The following NR5A2 variants were observed in gnomAD, a reference collection of about 807,000 sequenced individuals.
NR5A2 encodes the protein nuclear receptor subfamily 5 group A member 2.
NR5A2 carries 26 observed loss-of-function variants against 62.7 expected under a neutral mutation model. The ratio of observed to expected loss-of-function variants is 0.41; its 90% CI spans 0.30 to 0.58. NR5A2 has a LOEUF of 0.58. Among genes scored for constraint, NR5A2 ranks in the 20% least tolerant of loss-of-function variants. The probability of loss-of-function intolerance (pLI) is 0.22; values close to 1 mark genes in which losing one functional copy is unlikely to be tolerated. For missense variants in NR5A2, 541 were observed against 669.1 expected (o/e 0.81, Z 2.11); for synonymous variants, 246 against 241.7 (o/e 1.02, Z -0.16).
intron 5 of NR5A2, among the ~76,000 whole-genome samples, chr1:200,101,413 C>T (rs534186956): frequency 1.3e-5 from 2 of 152,226 alleles, no homozygotes; most frequent in South Asian, 4.2e-4. Context: ...AAATCAGGGG[C>T]TAGGTAGGCT....
intron 5 of NR5A2, among the ~76,000 whole-genome samples, chr1:200,052,433 GCC>G (rs770429744): frequency 2.0e-5 from 3 of 152,160 alleles, no homozygotes; most frequent in Non-Finnish European, 4.4e-5. Context: ...CAATCCTCCT[GCC>G]TTGGCCTCCT....
chr1:200,059,064 C>T (rs560035963), intron 5 of NR5A2, among the ~76,000 whole-genome samples: 4 of 152,050 alleles, frequency 2.6e-5, no homozygotes, highest in Admixed American at 1.3e-4. Flanking sequence ...AAGCCAAGAT[C>T]GCACTACTGC....
chr1:200,087,148 T>TTGTTGCA (rs112341795), intron 5 of NR5A2, among the ~76,000 whole-genome samples: 29,581 of 152,034 alleles, frequency 0.19, 2,973 homozygotes, highest in East Asian at 0.27. Context: ...GACCTTTATC[T>TTGTTGCA]GCCTTGTTGC....
intron 7 of NR5A2, among the ~76,000 whole-genome samples, chr1:200,162,002 C>A (rs2102380933): frequency 6.6e-6 from 1 of 152,132 alleles, no homozygotes; most frequent in East Asian, 1.9e-4. Context: ...ACCGGAGAAT[C>A]CAGAAAAGCT....
At chr1:200,056,245 C>T (rs1371100458) in intron 5 of NR5A2, among the ~76,000 whole-genome samples, 1 of 152,222 alleles carries the variant, frequency 6.6e-6, no homozygotes, top group Non-Finnish European at 1.5e-5. Flanking sequence ...TCTTCTCAGT[C>T]AATGCCTGTT....
chr1:200,072,390 T>A (rs750884675), intron 5 of NR5A2, among the ~76,000 whole-genome samples: 1 of 152,216 alleles, frequency 6.6e-6, no homozygotes, highest in Non-Finnish European at 1.5e-5. Flanking sequence ...TTTGCTTCAG[T>A]ATCTAAGACA....
At chr1:200,074,223 GTT>G (rs894068791) in intron 5 of NR5A2, among the ~76,000 whole-genome samples, 2 of 151,940 alleles carry the variant, frequency 1.3e-5, no homozygotes, top group Non-Finnish European at 2.9e-5. Context: ...GTTTATTAAT[GTT>G]TTTTTCTTTT....
intron 7 of NR5A2, among the ~76,000 whole-genome samples, chr1:200,167,715 C>G (rs1386588390): frequency 6.6e-6 from 1 of 152,226 alleles, no homozygotes; most frequent in Non-Finnish European, 1.5e-5. Flanking sequence ...TCTTGCCCAC[C>G]TATTCCTTCT....
intron 7 of NR5A2, among the ~76,000 whole-genome samples, chr1:200,149,006 G>A (rs796669449): frequency 6.7e-6 from 1 of 150,182 alleles, no homozygotes; most frequent in African/African-American, 2.4e-5. Context: ...AACAACTCTT[G>A]GGTTCAAACA....
chr1:200,062,273 G>A (rs757686897), intron 5 of NR5A2, among the ~76,000 whole-genome samples: 1 of 150,260 alleles, frequency 6.7e-6, no homozygotes, highest in South Asian at 2.1e-4. Context: ...GTGTCCATGT[G>A]TGTATCGCAG....
At position 200,081,046 on chromosome 1, in the gene NR5A2, C is replaced by T. The variant is rs142503055; in HGVS notation, c.1111-30156C>T. Among the ~76,000 whole-genome samples the T allele has an allele frequency of 1.8e-4, 27 of 152,322 alleles. No individual in the cohort carries two copies. In the East Asian group the frequency reaches 3.9e-3, roughly 22 times the overall value. On this transcript the variant is annotated intron_variant, in intron 5 of 7. Coordinates refer to ENST00000367362, the MANE Select transcript of NR5A2 (RefSeq NM_205860.3). ...GTACCTGCAAGAAGATATTTAATAA[C>T]TTTCTTAGAGGAAAGATTCAGAATC...
intron 5 of NR5A2, among the ~76,000 whole-genome samples, chr1:200,107,819 C>T (rs113379316): frequency 0.13 from 18,836 of 150,056 alleles, 1,361 homozygotes; most frequent in Non-Finnish European, 0.16. Flanking sequence ...TTTTAAGAGA[C>T]GGGGTTTCAC....
intron 5 of NR5A2, among the ~76,000 whole-genome samples, chr1:200,100,208 GA>G (rs1312248280): frequency 6.6e-5 from 10 of 152,170 alleles, no homozygotes; most frequent in African/African-American, 2.4e-4. Context: ...GAAGGCACTG[GA>G]AAATATTTCT....
At chr1:200,097,311 T>C (rs1430467917) in intron 5 of NR5A2, among the ~76,000 whole-genome samples, 1 of 152,224 alleles carries the variant, frequency 6.6e-6, no homozygotes, top group African/African-American at 2.4e-5. Context: ...TCCTACTGTG[T>C]GAAATCCAAA....
intron 5 of NR5A2, among the ~76,000 whole-genome samples, chr1:200,081,144 A>G (rs867948439): frequency 3.9e-5 from 6 of 152,196 alleles, no homozygotes; most frequent in Admixed American, 2.0e-4. Flanking sequence ...TGCTTGGATA[A>G]ATGGATAAAA....
chr1:200,145,316 A>AT (rs1051251738), intron 7 of NR5A2, among the ~76,000 whole-genome samples: 1 of 152,056 alleles, frequency 6.6e-6, no homozygotes, highest in East Asian at 1.9e-4. Flanking sequence ...TCAAAAAAAA[A>AT]TTTTTTTTAG....
At chr1:200,165,919 T>G (rs1035306821) in intron 7 of NR5A2, among the ~76,000 whole-genome samples, 3 of 152,236 alleles carry the variant, frequency 2.0e-5, no homozygotes, top group African/African-American at 7.2e-5. Flanking sequence ...TATCCAAAAT[T>G]CTTATCTGAC....
intron 5 of NR5A2, among the ~76,000 whole-genome samples, chr1:200,049,315 T>G (rs972644938): frequency 1.3e-5 from 2 of 152,206 alleles, no homozygotes; most frequent in Non-Finnish European, 2.9e-5. Context: ...AAGTAGGTAT[T>G]TACTACTGTT....
In NR5A2 at chr1:200,052,562, A is replaced by AT. The variant is rs965160541; in HGVS notation, c.1110+3750dup. Among the ~76,000 whole-genome samples, 8 of 152,228 alleles carry AT rather than the reference A, an allele frequency of 5.3e-5. No individual in the cohort carries two copies. The East Asian group carries it at 7.7e-4, about 15-fold the overall frequency. ...ATCAAGTGATATACTTATTGGACAG[A>AT]TTTTTTATACCTCTAAAACCCAAAG... On this transcript the variant is annotated intron_variant, in intron 5 of 7. Coordinates refer to ENST00000367362, the MANE Select transcript of NR5A2 (RefSeq NM_205860.3).
Sources: allele counts gnomAD v4.1 joint callset (sites outside exome capture counted in the v4.1 genomes callset), GRCh38; gene constraint gnomAD v4.1.1; transcripts MANE v1.5; gene names NCBI Gene and HGNC (gene_info 2026-07-23, HGNC 2026-07-21).